MIER2: variants seen among roughly 807,000 people sequenced by gnomAD.
The protein encoded by MIER2 is mesoderm induction early response protein 2.
A neutral mutation model predicts 67.6 loss-of-function variants in MIER2; 30 were observed. The observed-to-expected ratio is 0.44, with a 90% CI of 0.33 to 0.60. The LOEUF (loss-of-function observed/expected upper bound fraction) is 0.60, where lower values mean the gene tolerates loss of function less well. Among genes scored for constraint, MIER2 ranks in the 20% least tolerant of loss-of-function variants. The pLI, the probability that MIER2 is intolerant of heterozygous loss-of-function variation, is 0.02. For synonymous variants in MIER2, 372 were observed against 312.6 expected, an observed-to-expected ratio of 1.19 and a Z score of -2.00; for missense variants, 702 against 745.1, an observed-to-expected ratio of 0.94 and a Z score of 0.67.
intron 7 of MIER2, among the ~76,000 whole-genome samples, chr19:317,334 G>C (rs371305610): frequency 1.4e-3 from 215 of 151,818 alleles, no homozygotes; most frequent in African/African-American, 2.7e-3. Context: ...GAGACCACCC[G>C]GGCTAACACG....
chr19:321,791 G>A (rs778231055), intron 7 of MIER2, among the ~76,000 whole-genome samples: 33 of 152,264 alleles, frequency 2.2e-4, no homozygotes, highest in Admixed American at 8.5e-4. Flanking sequence ...AGACAGTGGC[G>A]ATGACTCCGG....
intron 6 of MIER2, among the ~76,000 whole-genome samples, chr19:326,250 C>T (rs7251819): frequency 0.036 from 5,400 of 148,638 alleles, 621 homozygotes; most frequent in African/African-American, 0.13. Flanking sequence ...AGCAGAGCCA[C>T]GGTTGGGATG....
chr19:329,424 T>C (rs1971919816), intron 3 of MIER2, among the ~76,000 whole-genome samples: 1 of 152,178 alleles, frequency 6.6e-6, no homozygotes, highest in Non-Finnish European at 1.5e-5. Context: ...CTAAGAGCAC[T>C]CAGCCGTGAC....
Position 306,590 on chromosome 19 carries a change from G to A in MIER2, c.*100C>T. On this transcript the variant is annotated 3_prime_UTR_variant, in exon 14 of 14. Transcript: ENST00000264819. ...GAAGCAGAAGGAGGTGCTACCCCAA[G>A]GCCCGGGGGGTGGGGAAGGGGTCAG... 3 of 1,483,582 alleles carry A rather than the reference G, an allele frequency of 2.0e-6. No individual in the cohort carries two copies. Among genetic ancestry groups the A allele is most frequent in the Non-Finnish European group, 2.8e-6 (3 of 1,087,708 alleles). 91.9% of individuals were successfully genotyped at this position (1,483,582 alleles called of 1,614,324 possible). A position where few individuals can be genotyped will look rare whatever the true frequency, so the allele number is the denominator to read the frequency against.
chr19:323,800 C>T (rs1272025605), intron 7 of MIER2, among the ~76,000 whole-genome samples: 1 of 150,972 alleles, frequency 6.6e-6, no homozygotes, highest in Admixed American at 6.6e-5. Context: ...ATGACACAGA[C>T]GTCATCACAA....
rs983079993 is a variant in MIER2, at chr19:325,520, C to T, written c.655+115G>A. ...CTCCTCCAGCCACAGGCTCAGCTGCCCCAGTGAGCGATGCGGGGCGGGGAC... is the reference window on the plus strand; with the variant it reads ...CTCCTCCAGCCACAGGCTCAGCTGCTCCAGTGAGCGATGCGGGGCGGGGAC... On this transcript the variant is annotated intron_variant, in intron 7 of 13. Transcript: ENST00000264819. 5.0e-6 allele frequency: 6 copies of T among 1,199,032 alleles called. No homozygotes were observed. The African/African-American group carries it at 7.5e-5, about 15-fold the overall frequency. The allele number at this position is 1,199,032 out of a possible 1,614,324, so 74.3% of individuals were successfully genotyped here.
chr19:317,505 T>G (rs112116230), intron 7 of MIER2, among the ~76,000 whole-genome samples: 1 of 146,552 alleles, frequency 6.8e-6, no homozygotes, highest in Non-Finnish European at 1.5e-5. Context: ...CCAACCTGGG[T>G]GACAAAGCGA....
At position 317,254 on chromosome 19, in the gene MIER2, G is replaced by A. The variant is rs192672299; in HGVS notation, c.656-3611C>T. Among the ~76,000 whole-genome samples, 391 of 150,852 alleles carry A rather than the reference G, an allele frequency of 2.6e-3. 1 individual carries two copies. The highest frequency in any genetic ancestry group is 8.5e-3 in the African/African-American group (347 of 40,920). ...CTAAAAATACAAAATTAGGCCGGGC[G>A]CGGTGGCGGGCACCTGTAATCCCAG... is the stretch of plus-strand genomic sequence containing the variant. On this transcript the variant is annotated intron_variant, in intron 7 of 13. Transcript: ENST00000264819.
At chr19:336,303 C>T (rs544607197) in intron 1 of MIER2, 130 bp from the exon 2 acceptor site, 34 of 714,060 alleles carry the variant, frequency 4.8e-5, no homozygotes, top group East Asian at 3.9e-4. Context: ...GCTTTGTCTC[C>T]GCCTCTGAGG....
intron 7 of MIER2, among the ~76,000 whole-genome samples, chr19:323,313 G>A (rs970981635): frequency 3.5e-5 from 5 of 141,744 alleles, no homozygotes; most frequent in Non-Finnish European, 6.2e-5. Flanking sequence ...CAATACACAA[G>A]ACACATACAA....
intron 1 of MIER2, among the ~76,000 whole-genome samples, chr19:341,515 G>T (rs986693293): frequency 6.6e-6 from 1 of 152,120 alleles, no homozygotes. Flanking sequence ...ATTTCCAGGC[G>T]ACTCTGAGTT....
chr19:337,674 C>T (rs1345101237), intron 1 of MIER2, among the ~76,000 whole-genome samples: 5 of 150,940 alleles, frequency 3.3e-5, no homozygotes, highest in African/African-American at 1.2e-4. Context: ...CAAGACTAGC[C>T]TGGCCAACAT....
chr19:328,729 C>T (rs1275195265), intron 3 of MIER2, among the ~76,000 whole-genome samples: 1 of 152,022 alleles, frequency 6.6e-6, no homozygotes, highest in Non-Finnish European at 1.5e-5. Context: ...GCCTGGGTGG[C>T]AGAGTGAGAA....
intron 2 of MIER2, 59 bp from the exon 3 acceptor site, chr19:334,601 C>A: frequency 6.3e-7 from 1 of 1,581,820 alleles, no homozygotes; most frequent in South Asian, 1.1e-5. Flanking sequence ...AACCATCCTG[C>A]CGAGACTACT....
chr19:313,685 T>C (rs1971119154), intron 7 of MIER2, 42 bp from the exon 8 acceptor site: 3 of 1,593,612 alleles, frequency 1.9e-6, no homozygotes, highest in African/African-American at 1.3e-5. Flanking sequence ...AGGAACCCAA[T>C]CTGCACCCAC....
intron 7 of MIER2, among the ~76,000 whole-genome samples, chr19:318,320 G>A (rs1305522599): frequency 6.6e-6 from 1 of 152,188 alleles, no homozygotes; most frequent in African/African-American, 2.4e-5. Context: ...TGGTCACACT[G>A]ATGGCAGATT....
chr19:324,922 T>G (rs1040941693), intron 7 of MIER2, among the ~76,000 whole-genome samples: 4 of 152,200 alleles, frequency 2.6e-5, no homozygotes, highest in Admixed American at 1.3e-4. Context: ...CGTCCTCTTC[T>G]CACACGGGGC....
rs201818916 is a variant in MIER2 at position 326,467 on chromosome 19, G to A, written c.585+40C>T. On this transcript the variant is annotated intron_variant, in intron 6 of 13. Transcript: ENST00000264819. ...CAGGTTGGGGAGACGGCAGAACCAC[G>A]GCCGGGATGCCAGGTTGGGGAGATG... 192 of 1,577,274 alleles carry A rather than the reference G, an allele frequency of 1.2e-4. No homozygotes were observed. In the East Asian group the frequency reaches 2.4e-3, roughly 20 times the overall value.
At chr19:337,109 G>A (rs1362607928) in intron 1 of MIER2, among the ~76,000 whole-genome samples, 1 of 152,114 alleles carries the variant, frequency 6.6e-6, no homozygotes. Context: ...CTCCCAAAGT[G>A]CTGGCATTAT....
Sources: allele counts gnomAD v4.1 joint callset (sites outside exome capture counted in the v4.1 genomes callset), GRCh38; gene constraint gnomAD v4.1.1; transcripts MANE v1.5; gene names NCBI Gene and HGNC (gene_info 2026-07-23, HGNC 2026-07-21).